The following MTHFS variants were observed in gnomAD, a reference collection of about 807,000 sequenced individuals.
MTHFS encodes the protein methenyltetrahydrofolate synthetase.
A neutral mutation model predicts 12.7 loss-of-function variants in MTHFS; 7 were observed. That is an observed-to-expected ratio of 0.55 (90% confidence interval 0.31 to 1.03). MTHFS has a LOEUF of 1.03. Ranked by LOEUF, MTHFS falls within the 50% of genes least tolerant of loss-of-function variation. The pLI, the probability that MTHFS is intolerant of heterozygous loss-of-function variation, is 0.05. For missense variants in MTHFS, 252 were observed against 258.1 expected (o/e 0.98, Z 0.16); for synonymous variants, 100 against 97.1 (o/e 1.03, Z -0.18).
chr15:79,888,322 T>C (rs1325196630), intron 2 of MTHFS, among the ~76,000 whole-genome samples: 1 of 152,108 alleles, frequency 6.6e-6, no homozygotes, highest in Non-Finnish European at 1.5e-5. Flanking sequence ...GGGCCAAGAT[T>C]AGGAAGAACC....
chr15:79,887,607 C>T (rs765106242), intron 2 of MTHFS, among the ~76,000 whole-genome samples: 5 of 152,178 alleles, frequency 3.3e-5, no homozygotes, highest in Admixed American at 6.5e-5. Flanking sequence ...ATTAAGCCTG[C>T]GAGTCTGGAG....
At chr15:79,871,600 G>A (rs965869328) in intron 2 of MTHFS, among the ~76,000 whole-genome samples, 2 of 149,646 alleles carry the variant, frequency 1.3e-5, no homozygotes, top group African/African-American at 2.5e-5. Context: ...TATAATTAAC[G>A]ATTCATTTGC....
intron 2 of MTHFS, among the ~76,000 whole-genome samples, chr15:79,873,665 C>T (rs926387571): frequency 4.6e-5 from 7 of 152,182 alleles, no homozygotes; most frequent in African/African-American, 1.7e-4. Context: ...GGTCCTCTTA[C>T]CTGGTGAGGT....
At chr15:79,885,049 G>A (rs768112217) in intron 2 of MTHFS, among the ~76,000 whole-genome samples, 1 of 152,210 alleles carries the variant, frequency 6.6e-6, no homozygotes, top group South Asian at 2.1e-4. Context: ...AATATGCCTT[G>A]ATGAAATCCA....
intron 2 of MTHFS, among the ~76,000 whole-genome samples, chr15:79,868,601 C>T (rs573848119): frequency 6.6e-6 from 1 of 152,320 alleles, no homozygotes; most frequent in Non-Finnish European, 1.5e-5. Context: ...GACAGCCCAT[C>T]TCAATGCAGG....
At position 79,894,986 on chromosome 15, in the gene MTHFS, G is replaced by A. The variant is rs909019624; in HGVS notation, c.117+1886C>T. Among the ~76,000 whole-genome samples, 13 of 152,014 alleles carry A rather than the reference G, an allele frequency of 8.6e-5. 1 individual carries two copies. The East Asian group carries it at 9.7e-4, about 11-fold the overall frequency. On this transcript the variant is annotated intron_variant, in intron 1 of 2. Transcript: ENST00000258874. ...TTCCTCAACCCATTATCCAAATGCT[G>A]CCATTATACTCTTCCTAAAGGACAT...
At chr15:79,850,672 G>A (rs2033700030) in intron 2 of MTHFS, among the ~76,000 whole-genome samples, 1 of 152,144 alleles carries the variant, frequency 6.6e-6, no homozygotes, top group South Asian at 2.1e-4. Flanking sequence ...GACAAGTAAG[G>A]TAAGGACACA....
intron 2 of MTHFS, among the ~76,000 whole-genome samples, chr15:79,867,433 A>G (rs571327094): frequency 3.3e-5 from 5 of 152,084 alleles, no homozygotes; most frequent in Non-Finnish European, 5.9e-5. Context: ...GTATATTACC[A>G]TATGTCACAT....
chr15:79,846,240 T>A (rs1197978210), intron 2 of MTHFS, among the ~76,000 whole-genome samples: 4 of 152,168 alleles, frequency 2.6e-5, no homozygotes, highest in African/African-American at 9.7e-5. Flanking sequence ...CATGAGGGAA[T>A]GGTACTCCAG....
rs565488885 is a variant in MTHFS at position 79,879,321 on chromosome 15, C to CTTTTTT, written c.379+9766_379+9771dup. Among the ~76,000 whole-genome samples, 135 of 79,316 alleles carry CTTTTTT rather than the reference C, an allele frequency of 1.7e-3. 1 individual carries two copies. Among genetic ancestry groups the CTTTTTT allele is most frequent in the Middle Eastern group, 0.011 (1 of 92 alleles). 52.0% of individuals were successfully genotyped at this position (79,316 alleles called of 152,430 possible). ...TGTGTTTTACCTTTAAATTATTACC[C>CTTTTTT]TTTTTTTTTTTTTTTTTTTTTTTTG... On this transcript the variant is annotated intron_variant, in intron 2 of 2. Transcript: ENST00000258874.
At chr15:79,862,997 G>A (rs1406568002) in intron 2 of MTHFS, among the ~76,000 whole-genome samples, 1 of 152,088 alleles carries the variant, frequency 6.6e-6, no homozygotes, top group African/African-American at 2.4e-5. Context: ...GCATTTCTGG[G>A]AGGTCCTGGA....
At chr15:79,897,239 G>T (rs919718129), upstream of MTHFS, 1 of 457,460 alleles carries the variant, frequency 2.2e-6, no homozygotes, top group Non-Finnish European at 3.8e-6. Context: ...GGGAGCGGTG[G>T]CGAGGCGCCG....
At chr15:79,892,136 C>A (rs1189738385) in intron 1 of MTHFS, among the ~76,000 whole-genome samples, 1 of 151,912 alleles carries the variant, frequency 6.6e-6, no homozygotes, top group East Asian at 1.9e-4. Flanking sequence ...AAGTTTACCA[C>A]CCCCAAAGAT....
chr15:79,865,221 T>A (rs775344225), intron 2 of MTHFS, among the ~76,000 whole-genome samples: 1 of 152,234 alleles, frequency 6.6e-6, no homozygotes, highest in Non-Finnish European at 1.5e-5. Flanking sequence ...CTTGTAAAAC[T>A]GTCATTATTT....
intron 1 of MTHFS, among the ~76,000 whole-genome samples, chr15:79,896,508 CT>C (rs1165179098): frequency 1.3e-5 from 2 of 152,258 alleles, no homozygotes; most frequent in Non-Finnish European, 2.9e-5. Context: ...TCTACCACAA[CT>C]TTCTGTTCTC....
At chr15:79,874,860 G>A (rs1297494589) in intron 2 of MTHFS, among the ~76,000 whole-genome samples, 1 of 152,034 alleles carries the variant, frequency 6.6e-6, no homozygotes, top group Non-Finnish European at 1.5e-5. Context: ...CAGACCTGAT[G>A]GTTATCTCCC....
At chr15:79,876,110 C>T (rs536099612) in intron 2 of MTHFS, 2 of 151,908 alleles carry the variant, frequency 1.3e-5, no homozygotes, top group South Asian at 4.2e-4. Context: ...AAATCAGAAT[C>T]CAGAGATACT....
chr15:79,880,275 T>C (rs996759231), intron 2 of MTHFS, among the ~76,000 whole-genome samples: 1 of 151,690 alleles, frequency 6.6e-6, no homozygotes, highest in Non-Finnish European at 1.5e-5. Flanking sequence ...AAAGACGGGG[T>C]TTCAACATGT....
intron 1 of MTHFS, among the ~76,000 whole-genome samples, chr15:79,892,305 C>T (rs2034488189): frequency 6.6e-6 from 1 of 152,084 alleles, no homozygotes; most frequent in African/African-American, 2.4e-5. Context: ...CAGAGGCAAC[C>T]AGACCAGAAG....
Sources: allele counts gnomAD v4.1 joint callset (sites outside exome capture counted in the v4.1 genomes callset), GRCh38; gene constraint gnomAD v4.1.1; transcripts MANE v1.5; gene names NCBI Gene and HGNC (gene_info 2026-07-23, HGNC 2026-07-21).